The following SORCS3 variants were observed in gnomAD, a reference collection of about 807,000 sequenced individuals.
SORCS3 encodes the protein sortilin related VPS10 domain containing receptor 3, also known as VPS10 domain-containing receptor SorCS3.
In SORCS3, 57 loss-of-function variants were observed where a neutral mutation model predicts 146.3. The ratio of observed to expected loss-of-function variants is 0.39; its 90% CI spans 0.31 to 0.49. SORCS3 has a LOEUF of 0.49. Among genes scored for constraint, SORCS3 ranks in the 20% least tolerant of loss-of-function variants. SORCS3 has a pLI of 0.92. For synonymous variants in SORCS3, 653 were observed against 618.5 expected, an observed-to-expected ratio of 1.06 and a Z score of -0.83; for missense variants, 1,341 against 1,575.5, an observed-to-expected ratio of 0.85 and a Z score of 2.52.
intron 7 of SORCS3, among the ~76,000 whole-genome samples, chr10:105,118,712 A>C (rs1278211944): frequency 6.6e-6 from 1 of 152,134 alleles, no homozygotes; most frequent in Non-Finnish European, 1.5e-5. Context: ...TGGGAACTGG[A>C]GTAAAGGTCA....
At chr10:104,979,384 C>G (rs2054920023) in intron 4 of SORCS3, among the ~76,000 whole-genome samples, 1 of 152,188 alleles carries the variant, frequency 6.6e-6, no homozygotes, top group South Asian at 2.1e-4. Flanking sequence ...TGATGCCAAA[C>G]TATTATGTAA....
At chr10:105,245,035 C>G (rs1031815822) in intron 20 of SORCS3, among the ~76,000 whole-genome samples, 2 of 142,956 alleles carry the variant, frequency 1.4e-5, no homozygotes, top group Non-Finnish European at 1.5e-5. Flanking sequence ...CATCATTGCA[C>G]TGCAGCCTGG....
At chr10:105,080,245 A>T (rs746109577) in intron 5 of SORCS3, among the ~76,000 whole-genome samples, 2 of 152,186 alleles carry the variant, frequency 1.3e-5, no homozygotes, top group Non-Finnish European at 2.9e-5. Context: ...TTTAATAATC[A>T]TCATTCTGAC....
rs563344708 is a variant in SORCS3, at chr10:105,219,789, C to T, written c.2734+2667C>T. ...CTATTCCAAGGACTTGCCTCACCCACATTTCTGATTCTGCCAAGAGTGGGC... is the reference window on the plus strand; with the variant it reads ...CTATTCCAAGGACTTGCCTCACCCATATTTCTGATTCTGCCAAGAGTGGGC... On this transcript the variant is annotated intron_variant, in intron 19 of 26. Coordinates refer to ENST00000369701, the MANE Select transcript of SORCS3 (RefSeq NM_014978.3). Among the ~76,000 whole-genome samples, 14 of 152,330 alleles carry T rather than the reference C, an allele frequency of 9.2e-5. No individual in the cohort carries two copies. The South Asian group carries it at 2.5e-3, about 27-fold the overall frequency.
intron 9 of SORCS3, among the ~76,000 whole-genome samples, chr10:105,150,332 T>G (rs894836602): frequency 6.6e-6 from 1 of 152,170 alleles, no homozygotes; most frequent in African/African-American, 2.4e-5. Flanking sequence ...ACAGAAATGA[T>G]AAATCAAAGA....
At position 104,976,893 on chromosome 10, in the gene SORCS3, A is replaced by G. The variant is rs534981128; in HGVS notation, c.796-442A>G. ...ATGGACACAGGAAGGGGAACATCAC[A>G]CTCTGGGGACTGTTGTGGGGTGGGG... On this transcript the variant is annotated intron_variant, in intron 3 of 26. Transcript: ENST00000369701. 9.4e-4 allele frequency among the ~76,000 whole-genome samples: 141 copies of G among 150,378 alleles called. 7 individuals carry two copies. In the South Asian group the frequency reaches 0.029, roughly 31 times the overall value.
intron 2 of SORCS3, among the ~76,000 whole-genome samples, chr10:104,898,201 G>A (rs548169264): frequency 6.6e-6 from 1 of 152,122 alleles, no homozygotes; most frequent in African/African-American, 2.4e-5. Flanking sequence ...TCCAAGCCTC[G>A]CTTCTTTATT....
intron 4 of SORCS3, among the ~76,000 whole-genome samples, chr10:105,040,270 A>C (rs2055330769): frequency 6.6e-6 from 1 of 152,172 alleles, no homozygotes; most frequent in Non-Finnish European, 1.5e-5. Flanking sequence ...ATATACATAC[A>C]AGATATAGAA....
At chr10:104,762,686 C>T (rs903159394) in intron 1 of SORCS3, among the ~76,000 whole-genome samples, 2 of 152,100 alleles carry the variant, frequency 1.3e-5, no homozygotes, top group African/African-American at 4.8e-5. Flanking sequence ...AGTGAGTTTT[C>T]GAGAGATGTG....
chr10:104,704,634 A>C (rs566959135), intron 1 of SORCS3, among the ~76,000 whole-genome samples: 57 of 152,294 alleles, frequency 3.7e-4, no homozygotes, highest in African/African-American at 1.3e-3. Flanking sequence ...TGCAGAATGA[A>C]TGTGAAAAGG....
chr10:105,227,985 T>TTGTGTG lies in SORCS3; in HGVS notation c.2868+4780_2868+4785dup, dbSNP rs59033040. 6.9e-3 allele frequency among the ~76,000 whole-genome samples: 891 copies of TTGTGTG among 128,888 alleles called. 13 individuals are homozygous for TTGTGTG. The highest frequency in any genetic ancestry group is 0.028 in the Middle Eastern group (7 of 252). 84.6% of individuals were successfully genotyped at this position (128,888 alleles called of 152,430 possible). ...TTGTAGGCAGCATATTGTGGTCATT[T>TTGTGTG]TGTGTGTGTGTGTGTGTGTGTGTGT... On this transcript the variant is annotated intron_variant, in intron 20 of 26. Transcript: ENST00000369701.
intron 14 of SORCS3, among the ~76,000 whole-genome samples, chr10:105,194,805 T>C (rs914843578): frequency 6.6e-6 from 1 of 152,168 alleles, no homozygotes; most frequent in African/African-American, 2.4e-5. Context: ...CTGGGTAAGT[T>C]GTTCTCAAAA....
chr10:105,249,727 T>TA (rs201241507), intron 22 of SORCS3, among the ~76,000 whole-genome samples: 1,800 of 151,514 alleles, frequency 0.012, 46 homozygotes, highest in African/African-American at 0.041. Context: ...CAAAAATAAA[T>TA]AAAAAAAATT....
chr10:105,052,741 G>A (rs1037873026), intron 5 of SORCS3, among the ~76,000 whole-genome samples: 26 of 152,132 alleles, frequency 1.7e-4, no homozygotes, highest in Non-Finnish European at 1.0e-4. Flanking sequence ...GAGGCCTAGA[G>A]AGAGAAGAGG....
chr10:105,093,598 A>G (rs1305814825), intron 6 of SORCS3, among the ~76,000 whole-genome samples: 1 of 152,192 alleles, frequency 6.6e-6, no homozygotes, highest in East Asian at 1.9e-4. Flanking sequence ...CATTTAGCAA[A>G]GAAAATATAA....
chr10:105,162,926 A>G (rs571775880), intron 11 of SORCS3, among the ~76,000 whole-genome samples: 1 of 152,202 alleles, frequency 6.6e-6, no homozygotes, highest in East Asian at 1.9e-4. Flanking sequence ...TTCTTAACAC[A>G]ATGCTCCAGG....
chr10:105,029,987 T>A (rs979127389), intron 4 of SORCS3, among the ~76,000 whole-genome samples: 1 of 152,190 alleles, frequency 6.6e-6, no homozygotes, highest in African/African-American at 2.4e-5. Context: ...TAACAAGGTA[T>A]CTGGATAACT....
At chr10:104,791,077 C>G (rs911537161) in intron 1 of SORCS3, among the ~76,000 whole-genome samples, 1 of 152,134 alleles carries the variant, frequency 6.6e-6, no homozygotes, top group African/African-American at 2.4e-5. Context: ...CTGGAGGTAG[C>G]CTTAATCCCA....
rs149475095 is a variant in SORCS3, at chr10:104,920,565, T to G, written c.795+4633T>G. The stretch of plus-strand genomic sequence containing the variant: ...AAGTAGGCAGGGTAAGAAAATAGAC[T>G]TTGATAAATTACCCCAAGACTATAT... On this transcript the variant is annotated intron_variant, in intron 3 of 26. Coordinates refer to ENST00000369701, the MANE Select transcript of SORCS3 (RefSeq NM_014978.3). Among the ~76,000 whole-genome samples the G allele has an allele frequency of 2.9e-3, 445 of 152,276 alleles. 2 individuals are homozygous for G. Among genetic ancestry groups the G allele is most frequent in the South Asian group, 0.019 (90 of 4,830 alleles).
Sources: gnomAD v4.1 joint callset for allele counts (sites outside exome capture counted in the v4.1 genomes callset) on GRCh38, gnomAD v4.1.1 for gene constraint, MANE v1.5 for transcripts, NCBI Gene and HGNC (gene_info 2026-07-23, HGNC 2026-07-21) for gene names.